The following CNTF variants were observed in gnomAD, a reference collection of about 807,000 sequenced individuals.
CNTF encodes Ciliary Neuronotrophic Factor.
In CNTF, 14 loss-of-function variants were observed where a neutral mutation model predicts 13.0. The ratio of observed to expected loss-of-function variants is 1.07; its 90% CI spans 0.71 to 1.68. The LOEUF (loss-of-function observed/expected upper bound fraction) is 1.68. Ranked by LOEUF, CNTF falls within the 40% of genes most tolerant of loss-of-function variation. CNTF has a pLI of 0.00. For synonymous variants in CNTF, 98 were observed against 92.4 expected (o/e 1.06, Z -0.35); for missense variants, 283 against 252.5 (o/e 1.12, Z -0.82).
rs1438535939 is a variant in CNTF at position 58,625,441 on chromosome 11, T to C, written c.*919T>C. 2 of 152,170 alleles carry C rather than the reference T, an allele frequency of 1.3e-5. No individual in the cohort carries two copies. The highest frequency in any genetic ancestry group is 4.8e-5 in the African/African-American group (2 of 41,458). The allele number at this position is 152,170 out of a possible 1,614,324, so 9.4% of individuals were successfully genotyped here. A position where few individuals can be genotyped will look rare whatever the true frequency, so the allele number is the denominator to read the frequency against. Reference sequence around the variant, plus strand: ...TTAGGCCCGCCAAACTTCTGAACTTTGGAAGCTGGGGATGTTTAGTAATAC... The same window carrying C: ...TTAGGCCCGCCAAACTTCTGAACTTCGGAAGCTGGGGATGTTTAGTAATAC... On this transcript the variant is annotated 3_prime_UTR_variant, in exon 2 of 2. Transcript: ENST00000361987.
Position 58,624,717 on chromosome 11 carries a change from A to C in CNTF, c.*195A>C. Reference sequence around the variant, plus strand: ...CAAGTAGCGTTGGAGACATACACAAATGGGCATACAAGTTTAGCCTGGGGG... The same window carrying C: ...CAAGTAGCGTTGGAGACATACACAACTGGGCATACAAGTTTAGCCTGGGGG... On this transcript the variant is annotated 3_prime_UTR_variant, in exon 2 of 2. Transcript: ENST00000361987. The C allele has an allele frequency of 5.1e-6, 3 of 585,872 alleles. No individual in the cohort carries two copies. The highest frequency in any genetic ancestry group is 1.9e-5 in the African/African-American group (1 of 53,456). The allele number at this position is 585,872 out of a possible 1,614,324, so 36.3% of individuals were successfully genotyped here. A position where few individuals can be genotyped will look rare whatever the true frequency, so the allele number is the denominator to read the frequency against.
rs750878936 is a variant in CNTF at position 58,624,025 on chromosome 11, C to T, written c.115-9C>T. On this transcript the variant is annotated splice_polypyrimidine_tract_variant and intron_variant, in intron 1 of 1. Transcript: ENST00000361987. ...AGAAGATGTGGTGTTTTCCTGTATC[C>T]TCGGCCAGGTGAAGCATCAGGGCCT... is the stretch of plus-strand genomic sequence containing the variant. The T allele has an allele frequency of 1.9e-6, 3 of 1,611,028 alleles. No individual in the cohort carries two copies. Among genetic ancestry groups the T allele is most frequent in the South Asian group, 1.1e-5 (1 of 90,556 alleles).
chr11:58,624,078 G>A lies in CNTF; in HGVS notation c.159G>A (p.Ala53=), dbSNP rs140939647. The A allele has an allele frequency of 1.5e-3, 2,477 of 1,611,620 alleles. 49 individuals are homozygous for A. In the South Asian group the frequency reaches 0.023, roughly 15 times the overall value. ...ACAAGAACATCAACCTGGACTCTGCGGATGGGATGCCAGTGGCAAGCACTG... is the reference window on the plus strand; with the variant it reads ...ACAAGAACATCAACCTGGACTCTGCAGATGGGATGCCAGTGGCAAGCACTG... ...GLNKNINLDS[A]DGMPVASTDQ... is the part of the protein sequence containing the mutation. The change falls in exon 2 of 2, where the codon GCG becomes GCA. Residue 53 remains alanine (A), a synonymous_variant. Coordinates refer to ENST00000361987, the MANE Select transcript of CNTF (RefSeq NM_000614.4).
At position 58,624,645 on chromosome 11, in the gene CNTF, T is replaced by G; in HGVS notation, c.*123T>G. The G allele has an allele frequency of 8.4e-7, 1 of 1,197,146 alleles. No individual in the cohort carries two copies. The allele number at this position is 1,197,146 out of a possible 1,614,324, so 74.2% of individuals were successfully genotyped here. On this transcript the variant is annotated 3_prime_UTR_variant, in exon 2 of 2. Transcript: ENST00000361987. ...AAGACAACAGGCATTTTCTTTCTTT[T>G]TTCTCTGACCACCTGCAGCCTGTTG...
chr11:58,622,889 A>T, intron 1 of CNTF, 23 bp downstream of exon 1: 1 of 1,549,518 alleles, frequency 6.5e-7, no homozygotes, highest in Non-Finnish European at 8.9e-7. Context: ...TTTTGCTGTT[A>T]TCTGTTTTCC....
In CNTF at chr11:58,624,082, G is replaced by A; in HGVS notation, c.163G>A (p.Gly55Arg). The change falls in exon 2 of 2, where the codon GGG becomes AGG. Residue 55 changes from glycine (G) to arginine (R), a missense_variant. Transcript: ENST00000361987. ...NKNINLDSAD[G>R]MPVASTDQWS... ...GAACATCAACCTGGACTCTGCGGATGGGATGCCAGTGGCAAGCACTGATCA... is the reference window on the plus strand; with the variant it reads ...GAACATCAACCTGGACTCTGCGGATAGGATGCCAGTGGCAAGCACTGATCA... 6.2e-7 allele frequency: 1 copy of A among 1,611,784 alleles called. No homozygotes were observed. Among genetic ancestry groups the A allele is most frequent in the Non-Finnish European group, 8.5e-7 (1 of 1,178,758 alleles).
In CNTF at chr11:58,623,907, A is replaced by G. The variant is rs1565031056; in HGVS notation, c.115-127A>G. ...AATTAAGAGTTCCTACTGTAGACAT[A>G]TTATTTACTTTACAACTTGGATCCT... On this transcript the variant is annotated intron_variant, in intron 1 of 1. Coordinates refer to ENST00000361987, the MANE Select transcript of CNTF (RefSeq NM_000614.4). 2.6e-5 allele frequency: 34 copies of G among 1,303,504 alleles called. No homozygotes were observed. In the South Asian group the frequency reaches 4.2e-4, roughly 16 times the overall value. 80.7% of individuals were successfully genotyped at this position (1,303,504 alleles called of 1,614,324 possible).
chr11:58,624,860 T>TA lies in CNTF; in HGVS notation c.*338_*339insA. 3.5e-6 allele frequency: 1 copy of TA among 286,584 alleles called. No homozygotes were observed. The highest frequency in any genetic ancestry group is 6.7e-6 in the Non-Finnish European group (1 of 148,676). The allele number at this position is 286,584 out of a possible 1,614,324, so 17.8% of individuals were successfully genotyped here. The stretch of plus-strand genomic sequence containing the variant: ...ACCCACTAAGTAACCTCTACAGGCA[T>TA]TTAACTGCCTTACAGACAGAATATA... On this transcript the variant is annotated 3_prime_UTR_variant, in exon 2 of 2. Transcript: ENST00000361987.
Position 58,624,221 on chromosome 11 carries a change from C to T in CNTF, c.302C>T (p.Thr101Ile). 6.2e-7 allele frequency: 1 copy of T among 1,613,968 alleles called. No homozygotes were observed. Among genetic ancestry groups the T allele is most frequent in the Non-Finnish European group, 8.5e-7 (1 of 1,179,986 alleles). Residue 101 changes from threonine (T) to isoleucine (I), a missense_variant, in exon 2 of 2, where the codon ACC (threonine) becomes ATC (isoleucine). By Grantham distance (89) the Thr-to-Ile change is moderately conservative. Coordinates refer to ENST00000361987, the MANE Select transcript of CNTF (RefSeq NM_000614.4). Reference protein sequence around the residue: ...LEDQQVHFTPTEGDFHQAIHT... With the variant: ...LEDQQVHFTPIEGDFHQAIHT... Reference sequence around the variant, plus strand: ...GACCAGCAGGTGCATTTTACCCCAACCGAAGGTGACTTCCATCAAGCTATA... The same window carrying T: ...GACCAGCAGGTGCATTTTACCCCAATCGAAGGTGACTTCCATCAAGCTATA...
chr11:58,624,251 C>A lies in CNTF; in HGVS notation c.332C>A (p.Thr111Asn). 1.2e-6 allele frequency: 2 copies of A among 1,613,976 alleles called. No homozygotes were observed. Among genetic ancestry groups the A allele is most frequent in the South Asian group, 1.1e-5 (1 of 91,074 alleles). The change falls in exon 2 of 2, where the codon ACC (threonine) becomes AAC (asparagine). Residue 111 changes from threonine to asparagine, a missense_variant. Transcript: ENST00000361987. ...GGTGACTTCCATCAAGCTATACATA[C>A]CCTTCTTCTCCAAGTCGCTGCCTTT... ...TEGDFHQAIHTLLLQVAAFAY... is the reference protein window; with the variant it reads ...TEGDFHQAIHNLLLQVAAFAY...
chr11:58,624,765 C>G lies in CNTF; in HGVS notation c.*243C>G. 4.3e-6 allele frequency: 2 copies of G among 466,814 alleles called. No homozygotes were observed. Among genetic ancestry groups the G allele is most frequent in the Non-Finnish European group, 7.8e-6 (2 of 255,690 alleles). 28.9% of individuals were successfully genotyped at this position (466,814 alleles called of 1,614,324 possible). ...GGGGTGTGATTTGTGTGCGTGCTTG[C>G]ATGTGCTGCAGGTGTAAGAGAGTGG... On this transcript the variant is annotated 3_prime_UTR_variant, in exon 2 of 2. Coordinates refer to ENST00000361987, the MANE Select transcript of CNTF (RefSeq NM_000614.4).
chr11:58,622,935 C>T (rs1855874265), intron 1 of CNTF, 69 bp downstream of exon 1: 1 of 1,004,346 alleles, frequency 1.0e-6, no homozygotes. Flanking sequence ...TACCATCACG[C>T]ATCAGCTCCA....
rs2134435731 is a variant in CNTF, at chr11:58,624,429, A to G, written c.510A>G (p.Val170=). 4 of 1,613,986 alleles carry G rather than the reference A, an allele frequency of 2.5e-6. No homozygotes were observed. Among genetic ancestry groups the G allele is most frequent in the Non-Finnish European group, 2.5e-6 (3 of 1,179,978 alleles). ...KVLQELSQWT[V]RSIHDLRFIS... The stretch of plus-strand genomic sequence containing the variant: ...TGCAGGAGCTTTCACAGTGGACAGT[A>G]AGGTCCATCCATGACCTTCGTTTCA... The change falls in exon 2 of 2, where the codon GTA becomes GTG. Residue 170 remains valine (V), a synonymous_variant. Coordinates refer to ENST00000361987, the MANE Select transcript of CNTF (RefSeq NM_000614.4).
At position 58,622,666 on chromosome 11, in the gene CNTF, G is replaced by C; in HGVS notation, c.-87G>C. The C allele has an allele frequency of 1.0e-6, 1 of 979,536 alleles. No individual in the cohort carries two copies. The highest frequency in any genetic ancestry group is 1.6e-6 in the Non-Finnish European group (1 of 618,912). 60.7% of individuals were successfully genotyped at this position (979,536 alleles called of 1,614,324 possible). On this transcript the variant is annotated 5_prime_UTR_variant, in exon 1 of 2. Transcript: ENST00000361987. Reference sequence around the variant, plus strand: ...TAGTAGAGAATGCCCAGTGGGTTTAGTCTTTGAGAGTCACATCTCTTATTT... The same window carrying C: ...TAGTAGAGAATGCCCAGTGGGTTTACTCTTTGAGAGTCACATCTCTTATTT...
Position 58,624,430 on chromosome 11 carries a change from A to T in CNTF, c.511A>T (p.Arg171Trp). Reference sequence around the variant, plus strand: ...GCAGGAGCTTTCACAGTGGACAGTAAGGTCCATCCATGACCTTCGTTTCAT... The same window carrying T: ...GCAGGAGCTTTCACAGTGGACAGTATGGTCCATCCATGACCTTCGTTTCAT... ...VLQELSQWTV[R>W]SIHDLRFISS... is the part of the protein sequence containing the mutation. The change falls in exon 2 of 2, where the codon AGG becomes TGG. Residue 171 changes from arginine (R) to tryptophan (W), a missense_variant. Physicochemically the swap from Arg to Trp is moderately radical, Grantham distance 101. Transcript: ENST00000361987. The T allele has an allele frequency of 1.2e-6, 2 of 1,613,954 alleles. No homozygotes were observed. Among genetic ancestry groups the T allele is most frequent in the Admixed American group, 1.7e-5 (1 of 60,004 alleles).
rs1801265277 is a variant in CNTF, at chr11:58,625,197, C to G, written c.*675C>G. 1 of 152,292 alleles carries G rather than the reference C, an allele frequency of 6.6e-6. No individual in the cohort carries two copies. Among genetic ancestry groups the G allele is most frequent in the Non-Finnish European group, 1.5e-5 (1 of 68,116 alleles). The allele number at this position is 152,292 out of a possible 1,614,324, so 9.4% of individuals were successfully genotyped here. ...CATTCTCCTTGTAAAAGCCTATGTG[C>G]CTTTCACTTTAGAGGCTTGATCATG... On this transcript the variant is annotated 3_prime_UTR_variant, in exon 2 of 2. Transcript: ENST00000361987.
chr11:58,622,802 G>A lies in CNTF; in HGVS notation c.50G>A (p.Cys17Tyr). Reference protein sequence around the residue: ...SPLTPHRRDLCSRSIWLARKI... With the variant: ...SPLTPHRRDLYSRSIWLARKI... ...CTGACCCCTCACCGTCGGGACCTCTGTAGCCGCTCTATCTGGCTAGCAAGG... is the reference window on the plus strand; with the variant it reads ...CTGACCCCTCACCGTCGGGACCTCTATAGCCGCTCTATCTGGCTAGCAAGG... The change falls in exon 1 of 2, where the codon TGT becomes TAT. Residue 17 changes from cysteine to tyrosine, a missense_variant. Cys to Tyr is a radical substitution (Grantham distance 194). Transcript: ENST00000361987. 4.3e-6 allele frequency: 7 copies of A among 1,613,930 alleles called. No homozygotes were observed. Among genetic ancestry groups the A allele is most frequent in the Non-Finnish European group, 5.9e-6 (7 of 1,179,938 alleles).
At position 58,624,507 on chromosome 11, in the gene CNTF, C is replaced by T. The variant is rs767529578; in HGVS notation, c.588C>T (p.Asn196=). The T allele has an allele frequency of 1.2e-6, 2 of 1,613,988 alleles. No homozygotes were observed. The highest frequency in any genetic ancestry group is 3.3e-5 in the Admixed American group (2 of 60,008). Residue 196 remains asparagine (N), a synonymous_variant, in exon 2 of 2, where the codon AAC becomes AAT. Coordinates refer to ENST00000361987, the MANE Select transcript of CNTF (RefSeq NM_000614.4). The part of the protein sequence containing the change: ...IPARGSHYIA[N]NKKM ...CACGTGGGAGCCATTATATTGCTAA[C>T]AACAAGAAAATGTAGCAGTTAGTCC...
At position 58,624,372 on chromosome 11, in the gene CNTF, C is replaced by T; in HGVS notation, c.453C>T (p.Leu151=). The change falls in exon 2 of 2, where the codon CTC becomes CTT. Residue 151 remains leucine (L), a synonymous_variant. Transcript: ENST00000361987. ...GMPINVGDGG[L]FEKKLWGLKV... ...CTATTAATGTTGGAGATGGTGGTCT[C>T]TTTGAGAAGAAGCTGTGGGGCCTAA... The T allele has an allele frequency of 2.5e-6, 4 of 1,613,962 alleles. No individual in the cohort carries two copies. Among genetic ancestry groups the T allele is most frequent in the Non-Finnish European group, 2.5e-6 (3 of 1,180,006 alleles).
Sources: allele counts gnomAD v4.1 joint callset, GRCh38; gene constraint gnomAD v4.1.1; transcripts MANE v1.5; gene names NCBI Gene and HGNC (gene_info 2026-07-23, HGNC 2026-07-21).